Variants in SMG1 observed in about 807,000 individuals in gnomAD.
SMG1 encodes the protein serine/threonine-protein kinase SMG1.
SMG1 carries 22 observed loss-of-function variants against 419.9 expected under a neutral mutation model. That is an observed-to-expected ratio of 0.05 (90% CI 0.04 to 0.07). The LOEUF is 0.07. Ranked by LOEUF, SMG1 falls within the 10% of genes least tolerant of loss-of-function variation. SMG1 has a pLI of 1.00. For missense variants in SMG1, 3,185 were observed against 4,342.0 expected (o/e 0.73, Z 7.49); for synonymous variants, 1,538 against 1,553.5 (o/e 0.99, Z 0.23).
rs776975745 is a variant in SMG1, at chr16:18,819,487, T to A, written c.9894+15A>T. The A allele has an allele frequency of 6.2e-7, 1 of 1,607,888 alleles. No individual in the cohort carries two copies. The highest frequency in any genetic ancestry group is 8.5e-7 in the Non-Finnish European group (1 of 1,176,844). ...TAAAAGTGAATACAAAGATGGTGCA[T>A]GTAAGTCACAATACCTGACTTGCTC... is the stretch of plus-strand genomic sequence containing the variant. On this transcript the variant is annotated intron_variant, in intron 56 of 62. Transcript: ENST00000446231.
intron 62 of SMG1, 84 bp from the exon 63 acceptor site, chr16:18,809,730 C>G (rs766089040): frequency 2.7e-6 from 3 of 1,110,674 alleles, no homozygotes; most frequent in Non-Finnish European, 4.0e-6. Context: ...ACAAATTATG[C>G]CAAAAGTTAA....
chr16:18,922,250 A>C (rs528412715), intron 1 of SMG1, among the ~76,000 whole-genome samples: 1 of 152,312 alleles, frequency 6.6e-6, no homozygotes, highest in East Asian at 1.9e-4. Flanking sequence ...AAAATGACAG[A>C]CTTTAGCTAT....
At chr16:18,879,745 T>C in intron 10 of SMG1, 26 bp from the exon 11 acceptor site, 3 of 1,585,088 alleles carry the variant, frequency 1.9e-6, no homozygotes, top group Non-Finnish European at 2.6e-6. Context: ...ACAAGCAGCT[T>C]TTTAAAAAAA....
Position 18,869,989 on chromosome 16 carries a change from T to C in SMG1, c.2498A>G (p.Asn833Ser). The change falls in exon 19 of 63, where the codon AAC (asparagine) becomes AGC (serine). Residue 833 changes from asparagine (N) to serine (S), a missense_variant. Asn to Ser is a conservative substitution (Grantham distance 46, BLOSUM62 1). Coordinates refer to ENST00000446231, the MANE Select transcript of SMG1 (RefSeq NM_015092.5). ...AATTTCTTGAATTTCTGTGTGATTG[T>C]TATTGCTGTAGACAGAAAATAAAGT... ...SIPLDVVLSN[N>S]NHTEIQEISL... is the part of the protein sequence containing the mutation. The C allele has an allele frequency of 1.3e-6, 2 of 1,539,288 alleles. No individual in the cohort carries two copies. Among genetic ancestry groups the C allele is most frequent in the South Asian group, 1.2e-5 (1 of 84,120 alleles).
chr16:18,841,086 A>G (rs1373099249), intron 41 of SMG1, among the ~76,000 whole-genome samples: 2 of 151,956 alleles, frequency 1.3e-5, no homozygotes, highest in Non-Finnish European at 2.9e-5. Context: ...AAAAAAAAGC[A>G]AACAACTTTA....
intron 14 of SMG1, 30 bp downstream of exon 14, chr16:18,872,464 G>C (rs2035875297): frequency 6.5e-7 from 1 of 1,532,936 alleles, no homozygotes; most frequent in African/African-American, 1.4e-5. Flanking sequence ...GTTTTGTGGG[G>C]TTCTTAAGAA....
intron 19 of SMG1, 68 bp from the exon 20 acceptor site, chr16:18,869,371 A>C (rs1222949762): frequency 4.0e-5 from 53 of 1,339,484 alleles, no homozygotes; most frequent in Non-Finnish European, 5.2e-5. Flanking sequence ...AAAAAAATGC[A>C]AGGGGAATAG....
Position 18,883,524 on chromosome 16 carries a change from C to G in SMG1, c.1119+546G>C, listed in dbSNP as rs1207573645. On this transcript the variant is annotated intron_variant, in intron 9 of 62. Transcript: ENST00000446231. ...AAAAATGTCTTTAGAAAAATACCAG[C>G]TACCAAGAGTATGTAAAGCTTTGCG... 7.2e-5 allele frequency among the ~76,000 whole-genome samples: 11 copies of G among 152,340 alleles called. No individual in the cohort carries two copies. In the East Asian group the frequency reaches 1.5e-3, roughly 21 times the overall value.
At chr16:18,889,977 T>G (rs1433677825) in intron 5 of SMG1, among the ~76,000 whole-genome samples, 1 of 152,172 alleles carries the variant, frequency 6.6e-6, no homozygotes, top group African/African-American at 2.4e-5. Flanking sequence ...AAAATGGTAA[T>G]AGTTAAATAC....
In SMG1 at chr16:18,926,191, G is replaced by A; in HGVS notation, c.-150C>T. The A allele has an allele frequency of 4.7e-6, 3 of 644,912 alleles. No homozygotes were observed. Among genetic ancestry groups the A allele is most frequent in the South Asian group, 2.1e-5 (1 of 48,748 alleles). The allele number at this position is 644,912 out of a possible 1,614,324, so 39.9% of individuals were successfully genotyped here. Reference sequence around the variant, plus strand: ...AGGAGGAGGAGGAGGAGAAGGAGGAGGCGGCGGAGGGCGGGGGAAGAGGAC... The same window carrying A: ...AGGAGGAGGAGGAGGAGAAGGAGGAAGCGGCGGAGGGCGGGGGAAGAGGAC... On this transcript the variant is annotated 5_prime_UTR_variant, in exon 1 of 63. Coordinates refer to ENST00000446231, the MANE Select transcript of SMG1 (RefSeq NM_015092.5).
At chr16:18,847,257 G>A (rs1357499264) in intron 38 of SMG1, among the ~76,000 whole-genome samples, 196 bp downstream of exon 38, 1 of 152,172 alleles carries the variant, frequency 6.6e-6, no homozygotes, top group African/African-American at 2.4e-5. Flanking sequence ...AATTTTTAAT[G>A]AGTACAGAGC....
chr16:18,904,344 A>ACAAAAAG (rs2037472215), intron 1 of SMG1, among the ~76,000 whole-genome samples: 1 of 151,446 alleles, frequency 6.6e-6, no homozygotes, highest in Non-Finnish European at 1.5e-5. Context: ...AAAACAAAAA[A>ACAAAAAG]CAAAAAATGG....
At chr16:18,829,222 A>T in intron 54 of SMG1, 64 bp downstream of exon 54, 1 of 1,350,036 alleles carries the variant, frequency 7.4e-7, no homozygotes, top group Non-Finnish European at 1.0e-6. Context: ...GTTTTAAATT[A>T]ATTTCCCCCA....
Position 18,852,196 on chromosome 16 carries a change from T to G in SMG1, c.4923A>C (p.Glu1641Asp), listed in dbSNP as rs774136716. ...RKVVDNASQG[E>D]GVRLLPREKS... is the part of the protein sequence containing the mutation. ...TTTCTCTAGGCAGCAGACGAACACC[T>G]TCTCCCTGACTATAAAAATAAACAA... The change falls in exon 33 of 63, where the codon GAA (glutamate) becomes GAC (aspartate). Residue 1641 changes from glutamate (E) to aspartate (D), a missense_variant. Physicochemically the swap from Glu to Asp is conservative, Grantham distance 45. Coordinates refer to ENST00000446231, the MANE Select transcript of SMG1 (RefSeq NM_015092.5). 32 of 1,613,132 alleles carry G rather than the reference T, an allele frequency of 2.0e-5. No individual in the cohort carries two copies. The highest frequency in any genetic ancestry group is 1.4e-5 in the Non-Finnish European group (17 of 1,179,672).
At chr16:18,880,116 G>T (rs1182968277) in intron 10 of SMG1, among the ~76,000 whole-genome samples, 1 of 152,108 alleles carries the variant, frequency 6.6e-6, no homozygotes, top group Non-Finnish European at 1.5e-5. Flanking sequence ...TGGGCTTTTG[G>T]GAATCAATCT....
chr16:18,886,841 C>T (rs958942948), intron 6 of SMG1, among the ~76,000 whole-genome samples: 20 of 151,854 alleles, frequency 1.3e-4, no homozygotes, highest in African/African-American at 4.6e-4. Context: ...TTTGCAATAG[C>T]CAATGTTATA....
In SMG1 at chr16:18,838,488, A is replaced by G. The variant is rs1019844257; in HGVS notation, c.7085-22T>C. 7 of 1,613,820 alleles carry G rather than the reference A, an allele frequency of 4.3e-6. No homozygotes were observed. In the Admixed American group the frequency reaches 6.7e-5, roughly 15 times the overall value. ...TTACCTTGAAAAGACAAATCATTAT[A>G]TTTTTGCCCTTTCACCAAAAAACAT... On this transcript the variant is annotated intron_variant, in intron 43 of 62. Coordinates refer to ENST00000446231, the MANE Select transcript of SMG1 (RefSeq NM_015092.5).
chr16:18,875,999 A>C lies in SMG1; in HGVS notation c.1890+125T>G, dbSNP rs2036110753. On this transcript the variant is annotated intron_variant, in intron 13 of 62. Coordinates refer to ENST00000446231, the MANE Select transcript of SMG1 (RefSeq NM_015092.5). Reference sequence around the variant, plus strand: ...ATTTTATTTATCCAGGCATGTCTTAAATATGGCTGTTTGTTACACACAGTG... The same window carrying C: ...ATTTTATTTATCCAGGCATGTCTTACATATGGCTGTTTGTTACACACAGTG... The C allele has an allele frequency of 4.3e-5, 44 of 1,020,186 alleles. No homozygotes were observed. In the South Asian group the frequency reaches 5.7e-4, roughly 13 times the overall value. 63.2% of individuals were successfully genotyped at this position (1,020,186 alleles called of 1,614,324 possible). A position where few individuals can be genotyped will look rare whatever the true frequency, so the allele number is the denominator to read the frequency against.
chr16:18,816,124 C>T, intron 58 of SMG1, 178 bp downstream of exon 58: 1 of 605,170 alleles, frequency 1.7e-6, no homozygotes, highest in East Asian at 2.8e-5. Flanking sequence ...CAAACTACTA[C>T]TACTGGCTTT....
Sources: gnomAD v4.1 joint callset for allele counts (sites outside exome capture counted in the v4.1 genomes callset) on GRCh38, gnomAD v4.1.1 for gene constraint, MANE v1.5 for transcripts, NCBI Gene and HGNC (gene_info 2026-07-23, HGNC 2026-07-21) for gene names.